Variants in KLHL1 observed in about 807,000 individuals in gnomAD.
KLHL1 encodes the protein kelch-like protein 1.
Under a neutral mutation model 77.7 loss-of-function variants are expected in KLHL1, and 47 were observed. The ratio of observed to expected loss-of-function variants is 0.60; its 90% confidence interval spans 0.48 to 0.77. The LOEUF (loss-of-function observed/expected upper bound fraction) is 0.77. KLHL1 is among the 30% of genes least tolerant of loss of function. The pLI is 0.00. For missense variants in KLHL1, 925 were observed against 910.8 expected (o/e 1.02, Z -0.20); for synonymous variants, 360 against 325.2 (o/e 1.11, Z -1.15).
intron 4 of KLHL1, among the ~76,000 whole-genome samples, chr13:69,936,761 G>A (rs1294399449): frequency 1.3e-5 from 2 of 151,928 alleles, no homozygotes; most frequent in Non-Finnish European, 2.9e-5. Context: ...GAAGGTCAGG[G>A]AAGTTTCTAC....
intron 5 of KLHL1, among the ~76,000 whole-genome samples, chr13:69,846,287 T>C (rs1375787453): frequency 6.6e-6 from 1 of 151,534 alleles, no homozygotes; most frequent in Admixed American, 6.6e-5. Flanking sequence ...CTTATAACCT[T>C]GTCAGTTTTC....
At chr13:69,897,616 G>A (rs1169377658) in intron 4 of KLHL1, among the ~76,000 whole-genome samples, 1 of 152,108 alleles carries the variant, frequency 6.6e-6, no homozygotes, top group Non-Finnish European at 1.5e-5. Flanking sequence ...CCTTCCTCCA[G>A]AGTGCGTTGA....
intron 8 of KLHL1, among the ~76,000 whole-genome samples, chr13:69,723,240 A>C (rs1287474637): frequency 6.6e-6 from 1 of 152,110 alleles, no homozygotes; most frequent in African/African-American, 2.4e-5. Flanking sequence ...AGGAGAAATA[A>C]CTTTTGGTAC....
intron 6 of KLHL1, among the ~76,000 whole-genome samples, chr13:69,814,524 A>C (rs1471392402): frequency 1.3e-5 from 2 of 152,182 alleles, no homozygotes; most frequent in Non-Finnish European, 2.9e-5. Flanking sequence ...AACATCCAGA[A>C]TCTTTAAGAC....
At chr13:69,960,284 GAA>G (rs1264485622) in intron 3 of KLHL1, among the ~76,000 whole-genome samples, 1 of 103,434 alleles carries the variant, frequency 9.7e-6, no homozygotes, top group Non-Finnish European at 2.1e-5. Context: ...TCTGTTAGCA[GAA>G]ATGCTGTAAA....
intron 2 of KLHL1, among the ~76,000 whole-genome samples, chr13:69,966,930 G>T (rs1456372798): frequency 6.6e-6 from 1 of 152,074 alleles, no homozygotes; most frequent in Admixed American, 6.6e-5. Flanking sequence ...ATGTGACCAT[G>T]AATGACATGA....
chr13:69,765,578 CTGA>C (rs1875262224), intron 7 of KLHL1, among the ~76,000 whole-genome samples: 1 of 152,130 alleles, frequency 6.6e-6, no homozygotes, highest in Non-Finnish European at 1.5e-5. Flanking sequence ...GTCACAGAGA[CTGA>C]TAATTGGCCA....
At chr13:69,916,483 C>T (rs1284062692) in intron 4 of KLHL1, among the ~76,000 whole-genome samples, 7 of 150,572 alleles carry the variant, frequency 4.6e-5, no homozygotes, top group Middle Eastern at 3.4e-3. Flanking sequence ...AGCAAACTAT[C>T]GCAAGGACAA....
chr13:69,839,837 T>C (rs1314779312), intron 5 of KLHL1, among the ~76,000 whole-genome samples: 1 of 152,026 alleles, frequency 6.6e-6, no homozygotes, highest in Non-Finnish European at 1.5e-5. Flanking sequence ...CTGCAAATTA[T>C]TTTGTGTACA....
intron 1 of KLHL1, among the ~76,000 whole-genome samples, chr13:70,080,742 G>T (rs968294535): frequency 4.0e-5 from 6 of 151,828 alleles, no homozygotes; most frequent in African/African-American, 9.7e-5. Context: ...GACTACACAT[G>T]CGCACCACCA....
chr13:69,942,776 A>G (rs1883405959), intron 3 of KLHL1, among the ~76,000 whole-genome samples: 4 of 152,128 alleles, frequency 2.6e-5, no homozygotes, highest in African/African-American at 9.7e-5. Flanking sequence ...AGCTAAGAAC[A>G]AAGGTATTCT....
intron 1 of KLHL1, among the ~76,000 whole-genome samples, chr13:69,988,235 G>A (rs748865278): frequency 4.6e-5 from 7 of 151,948 alleles, no homozygotes; most frequent in African/African-American, 1.2e-4. Flanking sequence ...CTCCTCCTGC[G>A]TTAGTTTGCT....
chr13:69,860,807 A>G (rs575613824), intron 5 of KLHL1, among the ~76,000 whole-genome samples: 96 of 151,898 alleles, frequency 6.3e-4, no homozygotes, highest in African/African-American at 2.1e-3. Context: ...GATTTATTGA[A>G]CTCATTAATT....
intron 1 of KLHL1, among the ~76,000 whole-genome samples, chr13:70,106,492 T>G (rs894356614): frequency 6.6e-6 from 1 of 152,158 alleles, no homozygotes; most frequent in African/African-American, 2.4e-5. Context: ...TGAAATAAAC[T>G]AGAAATAAAT....
At chr13:69,947,943 G>T (rs1036948802) in intron 3 of KLHL1, among the ~76,000 whole-genome samples, 1 of 152,022 alleles carries the variant, frequency 6.6e-6, no homozygotes, top group Admixed American at 6.6e-5. Context: ...AAGGCATAAC[G>T]TTCTCAAATA....
At chr13:69,944,975 CTTCTT>C (rs1883473575) in intron 3 of KLHL1, among the ~76,000 whole-genome samples, 2 of 136,532 alleles carry the variant, frequency 1.5e-5, no homozygotes, top group African/African-American at 5.5e-5. Flanking sequence ...AACTATAAAA[CTTCTT>C]TTTTTTTTTT....
At chr13:69,813,481 TACACAC>T (rs141973704) in intron 6 of KLHL1, among the ~76,000 whole-genome samples, 1 of 146,272 alleles carries the variant, frequency 6.8e-6, no homozygotes, top group Non-Finnish European at 1.5e-5. Context: ...TACACACACA[TACACAC>T]ACACACACAC....
At chr13:69,715,698 CATT>C (rs776125105) in intron 9 of KLHL1, among the ~76,000 whole-genome samples, 20 of 151,946 alleles carry the variant, frequency 1.3e-4, no homozygotes, top group Non-Finnish European at 2.8e-4. Flanking sequence ...CAATAGCAAA[CATT>C]ATGAATGCAC....
intron 6 of KLHL1, among the ~76,000 whole-genome samples, chr13:69,813,964 G>T (rs372355233): frequency 6.6e-6 from 1 of 152,094 alleles, no homozygotes; most frequent in Admixed American, 6.6e-5. Flanking sequence ...AAAGAATAAA[G>T]TTGGAGGCAT....
Sources: gnomAD v4.1 joint callset for allele counts (sites outside exome capture counted in the v4.1 genomes callset) on GRCh38, gnomAD v4.1.1 for gene constraint, MANE v1.5 for transcripts, NCBI Gene and HGNC (gene_info 2026-07-23, HGNC 2026-07-21) for gene names.